The following NCKAP1 variants were observed in gnomAD, a reference collection of about 807,000 sequenced individuals.
NCKAP1 encodes NCK associated protein 1.
NCKAP1 carries 21 observed loss-of-function variants against 151.2 expected under a neutral mutation model. The observed-to-expected ratio is 0.14, with a 90% CI of 0.10 to 0.20. The LOEUF (loss-of-function observed/expected upper bound fraction) is 0.20, where lower values mean the gene tolerates loss of function less well. Among genes scored for constraint, NCKAP1 ranks in the 10% least tolerant of loss-of-function variants. NCKAP1 has a pLI of 1.00. For synonymous variants in NCKAP1, 484 were observed against 451.8 expected (o/e 1.07, Z -0.90); for missense variants, 933 against 1,352.1 (o/e 0.69, Z 4.86).
At position 182,910,028 on chromosome 2, in the gene NCKAP1, G is replaced by A. The variant is rs1167290765; in HGVS notation, c.*15674C>T. ...AAAATGATAGGGTCGCAGACAGAAA[G>A]TTTTATTCTAAGGAGTTCAACCGCT... On this transcript the variant is annotated 3_prime_UTR_variant, in exon 31 of 31. Transcript: ENST00000361354. The A allele has an allele frequency of 1.3e-5, 2 of 152,214 alleles. No individual in the cohort carries two copies. Among genetic ancestry groups the A allele is most frequent in the Non-Finnish European group, 2.9e-5 (2 of 68,052 alleles). 9.4% of individuals were successfully genotyped at this position (152,214 alleles called of 1,614,324 possible).
At chr2:182,981,104 A>T in intron 13 of NCKAP1, 140 bp downstream of exon 13, 1 of 1,045,104 alleles carries the variant, frequency 9.6e-7, no homozygotes, top group Non-Finnish European at 1.4e-6. Flanking sequence ...CTTCCCTTCT[A>T]GGTAATGATC....
rs1377173498 is a variant in NCKAP1, at chr2:183,025,122, T to C, written c.109-1206A>G. 8.4e-6 allele frequency: 7 copies of C among 828,724 alleles called. No individual in the cohort carries two copies. In the East Asian group the frequency reaches 1.4e-4, roughly 16 times the overall value. The allele number at this position is 828,724 out of a possible 1,614,324, so 51.3% of individuals were successfully genotyped here. Reference sequence around the variant, plus strand: ...GAATAACAGAACAAGATTAGAATTATATGGTGCTACAATTTTAAAGGTATT... The same window carrying C: ...GAATAACAGAACAAGATTAGAATTACATGGTGCTACAATTTTAAAGGTATT... On this transcript the variant is annotated intron_variant, in intron 1 of 30. Coordinates refer to ENST00000361354, the MANE Select transcript of NCKAP1 (RefSeq NM_013436.5).
chr2:182,941,996 A>G lies in NCKAP1; in HGVS notation c.2695+74T>C. The G allele has an allele frequency of 2.4e-6, 3 of 1,234,442 alleles. No homozygotes were observed. In the South Asian group the frequency reaches 4.3e-5, roughly 18 times the overall value. The allele number at this position is 1,234,442 out of a possible 1,614,324, so 76.5% of individuals were successfully genotyped here. The stretch of plus-strand genomic sequence containing the variant: ...AATTTACTACTTGTATTTATGTTAC[A>G]AATTTTGAGCCAAAGCTAAATACTG... On this transcript the variant is annotated intron_variant, in intron 24 of 30. Transcript: ENST00000361354.
intron 6 of NCKAP1, among the ~76,000 whole-genome samples, chr2:183,000,876 T>C (rs1431654634): frequency 6.6e-6 from 1 of 152,098 alleles, no homozygotes; most frequent in Admixed American, 6.6e-5. Flanking sequence ...GTGGATTGCC[T>C]GAGCTCAGGA....
chr2:183,001,070 G>A (rs1326246184), intron 6 of NCKAP1, among the ~76,000 whole-genome samples: 1 of 152,224 alleles, frequency 6.6e-6, no homozygotes, highest in Non-Finnish European at 1.5e-5. Flanking sequence ...TCCGGCTGGG[G>A]CGACAGAGCG....
At chr2:183,037,954 C>A in intron 1 of NCKAP1, 38 bp downstream of exon 1, 1 of 1,521,580 alleles carries the variant, frequency 6.6e-7, no homozygotes. Flanking sequence ...CTCCCGGGCC[C>A]GCCCGCCTCC....
intron 13 of NCKAP1, among the ~76,000 whole-genome samples, chr2:182,979,488 A>G (rs1697894788): frequency 6.6e-6 from 1 of 152,156 alleles, no homozygotes; most frequent in Non-Finnish European, 1.5e-5. Context: ...GCTAAAAAAT[A>G]AATTCCTTTT....
chr2:182,962,018 A>C, intron 18 of NCKAP1, 141 bp downstream of exon 18: 1 of 791,698 alleles, frequency 1.3e-6, no homozygotes, highest in Non-Finnish European at 1.9e-6. Flanking sequence ...ATACCTGTTA[A>C]TGGAGTTTCA....
chr2:182,977,284 G>GT (rs1423706838), intron 14 of NCKAP1, among the ~76,000 whole-genome samples: 1 of 152,136 alleles, frequency 6.6e-6, no homozygotes, highest in Non-Finnish European at 1.5e-5. Flanking sequence ...AGGGTCAGGA[G>GT]TTTGAGACTA....
At chr2:183,034,643 A>G (rs1371254227) in intron 1 of NCKAP1, among the ~76,000 whole-genome samples, 1 of 152,176 alleles carries the variant, frequency 6.6e-6, no homozygotes, top group Non-Finnish European at 1.5e-5. Flanking sequence ...GTTGCCCAAA[A>G]GAGATGCTCA....
chr2:182,930,186 T>C (rs1696733578), intron 27 of NCKAP1, among the ~76,000 whole-genome samples: 1 of 151,944 alleles, frequency 6.6e-6, no homozygotes, highest in Non-Finnish European at 1.5e-5. Context: ...TCCAAATCCT[T>C]TCCTCCTGTT....
chr2:182,937,514 AAAT>A (rs1696902665), intron 24 of NCKAP1, among the ~76,000 whole-genome samples: 1 of 152,232 alleles, frequency 6.6e-6, no homozygotes, highest in Admixed American at 6.5e-5. Context: ...TCATTAATCC[AAAT>A]AATAGCTTTT....
intron 23 of NCKAP1, among the ~76,000 whole-genome samples, chr2:182,942,612 T>C (rs1697019843): frequency 6.6e-6 from 1 of 152,056 alleles, no homozygotes; most frequent in South Asian, 2.1e-4. Context: ...GAATGACTTG[T>C]TATGGTATGG....
chr2:183,003,263 G>A lies in NCKAP1; in HGVS notation c.282C>T (p.Tyr94=). 1 of 1,586,446 alleles carries A rather than the reference G, an allele frequency of 6.3e-7. No individual in the cohort carries two copies. The highest frequency in any genetic ancestry group is 8.6e-7 in the Non-Finnish European group (1 of 1,162,514). Residue 94 remains tyrosine, a synonymous_variant, in exon 3 of 31, where the codon TAC becomes TAT. Coordinates refer to ENST00000361354, the MANE Select transcript of NCKAP1 (RefSeq NM_013436.5). ...SEILKNLALY[Y]FTFVDVMEFK... is the part of the protein sequence containing the mutation. The stretch of plus-strand genomic sequence containing the variant: ...ATTCCATAACATCTACAAATGTGAA[G>A]TAATATAATGCCAGATTTTTCAGAA...
At chr2:182,979,338 G>A (rs1230203731) in intron 13 of NCKAP1, among the ~76,000 whole-genome samples, 1 of 152,016 alleles carries the variant, frequency 6.6e-6, no homozygotes, top group African/African-American at 2.4e-5. Flanking sequence ...AATGCATACA[G>A]CTACCAAAAT....
chr2:182,979,282 G>A (rs929905396), intron 13 of NCKAP1, among the ~76,000 whole-genome samples: 7 of 152,040 alleles, frequency 4.6e-5, no homozygotes, highest in African/African-American at 1.7e-4. Flanking sequence ...TTTTAAAGGT[G>A]TTGGAAAAGT....
rs772944678 is a variant in NCKAP1 at position 182,952,762 on chromosome 2, A to C, written c.2503+31T>G. On this transcript the variant is annotated intron_variant, in intron 22 of 30. Coordinates refer to ENST00000361354, the MANE Select transcript of NCKAP1 (RefSeq NM_013436.5). ...CTAGCAAAAGAATTAAGTGTTCTTC[A>C]TTCTCTAAACTGTGGTATAGTACTA... is the stretch of plus-strand genomic sequence containing the variant. The C allele has an allele frequency of 2.6e-6, 4 of 1,540,828 alleles. No individual in the cohort carries two copies. In the South Asian group the frequency reaches 5.0e-5, roughly 19 times the overall value.
intron 19 of NCKAP1, chr2:182,957,216 G>T: frequency 2.8e-6 from 1 of 357,610 alleles, no homozygotes; most frequent in Non-Finnish European, 4.9e-6. Context: ...TTGGCCTTCA[G>T]TACTTAGTAT....
intron 6 of NCKAP1, among the ~76,000 whole-genome samples, chr2:182,996,194 G>A (rs528082667): frequency 5.9e-5 from 9 of 152,196 alleles, no homozygotes; most frequent in African/African-American, 1.9e-4. Context: ...GATAGTTTCT[G>A]ATAGTTCCAA....
Sources: gnomAD v4.1 joint callset for allele counts (sites outside exome capture counted in the v4.1 genomes callset) on GRCh38, gnomAD v4.1.1 for gene constraint, MANE v1.5 for transcripts, NCBI Gene and HGNC (gene_info 2026-07-23, HGNC 2026-07-21) for gene names.